The following TMEM38B variants were observed in gnomAD, a reference collection of about 807,000 sequenced individuals.
The protein encoded by TMEM38B is transmembrane protein 38B.
A neutral mutation model predicts 28.7 loss-of-function variants in TMEM38B; 24 were observed. That is an observed-to-expected ratio of 0.84 (90% CI 0.61 to 1.18). TMEM38B has a LOEUF of 1.18. TMEM38B is among the 50% of genes most tolerant of loss of function. TMEM38B has a pLI of 0.00. For synonymous variants in TMEM38B, 131 were observed against 127.7 expected (o/e 1.03, Z -0.17); for missense variants, 380 against 350.9 (o/e 1.08, Z -0.66).
chr9:105,707,452 T>G (rs760311165), intron 2 of TMEM38B, among the ~76,000 whole-genome samples: 4 of 152,196 alleles, frequency 2.6e-5, no homozygotes, highest in Non-Finnish European at 5.9e-5. Flanking sequence ...AACTGTTTTC[T>G]GTTAAGAACC....
At chr9:105,761,836 T>G (rs1838062006) in intron 5 of TMEM38B, among the ~76,000 whole-genome samples, 1 of 152,212 alleles carries the variant, frequency 6.6e-6, no homozygotes, top group African/African-American at 2.4e-5. Flanking sequence ...TTCAGCCAAC[T>G]GTGAGAATCA....
chr9:105,725,587 G>A (rs761021135), intron 4 of TMEM38B, among the ~76,000 whole-genome samples: 2 of 151,926 alleles, frequency 1.3e-5, no homozygotes, highest in Non-Finnish European at 2.9e-5. Context: ...TACACACCTA[G>A]GCTATATGGT....
At chr9:105,705,454 T>A (rs1382451768) in intron 1 of TMEM38B, 143 bp from the exon 2 acceptor site, 1 of 804,956 alleles carries the variant, frequency 1.2e-6, no homozygotes, top group Non-Finnish European at 1.8e-6. Flanking sequence ...TGATTTTTAA[T>A]GATTTTGACT....
At chr9:105,768,762 G>A (rs1349626257) in intron 5 of TMEM38B, among the ~76,000 whole-genome samples, 1 of 152,120 alleles carries the variant, frequency 6.6e-6, no homozygotes, top group East Asian at 1.9e-4. Flanking sequence ...TTTCATTCCT[G>A]ATATTGGTGA....
chr9:105,702,530 G>GT (rs1835495627), intron 1 of TMEM38B, among the ~76,000 whole-genome samples: 1 of 152,146 alleles, frequency 6.6e-6, no homozygotes, highest in African/African-American at 2.4e-5. Context: ...TGTTATAACT[G>GT]TAAGTTCATA....
At chr9:105,725,654 A>G (rs1325730670) in intron 4 of TMEM38B, among the ~76,000 whole-genome samples, 2 of 152,162 alleles carry the variant, frequency 1.3e-5, no homozygotes, top group Non-Finnish European at 2.9e-5. Context: ...AGTGACTACT[A>G]TAGGCAATTT....
chr9:105,733,884 A>G (rs1048326699), intron 4 of TMEM38B, among the ~76,000 whole-genome samples: 2 of 151,440 alleles, frequency 1.3e-5, no homozygotes, highest in African/African-American at 4.9e-5. Context: ...GCATTTGTCA[A>G]TTTCGTTTAG....
intron 2 of TMEM38B, among the ~76,000 whole-genome samples, chr9:105,719,090 A>G (rs1002611376): frequency 6.6e-6 from 1 of 152,208 alleles, no homozygotes; most frequent in Admixed American, 6.5e-5. Context: ...CAGAGTTCTC[A>G]ATGACTAAGC....
At chr9:105,753,782 T>C (rs550108953) in intron 5 of TMEM38B, among the ~76,000 whole-genome samples, 1 of 152,256 alleles carries the variant, frequency 6.6e-6, no homozygotes, top group East Asian at 1.9e-4. Context: ...CCAGCTAGCA[T>C]CATGATGATA....
At chr9:105,733,184 G>C (rs571466362) in intron 4 of TMEM38B, among the ~76,000 whole-genome samples, 1 of 152,142 alleles carries the variant, frequency 6.6e-6, no homozygotes, top group Non-Finnish European at 1.5e-5. Flanking sequence ...TAAGTGCGAT[G>C]TGGTGCTGAG....
chr9:105,759,087 G>A lies in TMEM38B; in HGVS notation c.660+10897G>A, dbSNP rs146317661. 983 of 799,204 alleles carry A rather than the reference G, an allele frequency of 1.2e-3. 16 individuals are homozygous for A. The East Asian group carries it at 0.022, about 18-fold the overall frequency. The allele number at this position is 799,204 out of a possible 1,614,324, so 49.5% of individuals were successfully genotyped here. A position where few individuals can be genotyped will look rare whatever the true frequency, so the allele number is the denominator to read the frequency against. On this transcript the variant is annotated intron_variant, in intron 5 of 5. Coordinates refer to ENST00000374692, the MANE Select transcript of TMEM38B (RefSeq NM_018112.3). ...GGTATTATCTGCCATGAAGTGCCTA[G>A]CAAATTGGCCAAGAAGTGATGATAC...
At chr9:105,713,490 G>T (rs371645566) in intron 2 of TMEM38B, among the ~76,000 whole-genome samples, 14 of 152,322 alleles carry the variant, frequency 9.2e-5, no homozygotes, top group African/African-American at 3.1e-4. Context: ...CAGTGCTGAC[G>T]TGCCAGCCCC....
chr9:105,741,763 C>G (rs1837216436), intron 4 of TMEM38B, among the ~76,000 whole-genome samples: 1 of 152,188 alleles, frequency 6.6e-6, no homozygotes, highest in African/African-American at 2.4e-5. Flanking sequence ...GGAATAAATG[C>G]TACTAACCAA....
rs1031643398 is a variant in TMEM38B at position 105,758,872 on chromosome 9, A to C, written c.660+10682A>C. On this transcript the variant is annotated intron_variant, in intron 5 of 5. Transcript: ENST00000374692. ...GCAGTTGATAATAGAAAACTAAGCC[A>C]GGAAGATGTTGAAGAAATTTGGAGA... 6.9e-6 allele frequency: 7 copies of C among 1,020,870 alleles called. No homozygotes were observed. The Admixed American group carries it at 1.2e-4, about 17-fold the overall frequency. 63.2% of individuals were successfully genotyped at this position (1,020,870 alleles called of 1,614,324 possible).
intron 1 of TMEM38B, 95 bp from the exon 2 acceptor site, chr9:105,705,502 T>C: frequency 8.3e-7 from 1 of 1,204,458 alleles, no homozygotes; most frequent in African/African-American, 1.5e-5. Context: ...AAATTATGAA[T>C]TTAAGAAGTT....
chr9:105,743,722 G>A (rs1837288925), intron 4 of TMEM38B, among the ~76,000 whole-genome samples: 1 of 152,116 alleles, frequency 6.6e-6, no homozygotes, highest in Non-Finnish European at 1.5e-5. Context: ...AGAGCACCCT[G>A]ACATTGGCCA....
intron 2 of TMEM38B, among the ~76,000 whole-genome samples, chr9:105,721,030 A>C (rs1298964147): frequency 6.6e-6 from 1 of 152,140 alleles, no homozygotes; most frequent in Non-Finnish European, 1.5e-5. Flanking sequence ...GTGAGCCGTC[A>C]TGTACCTTTG....
chr9:105,730,325 A>G (rs530094425), intron 4 of TMEM38B, among the ~76,000 whole-genome samples: 204 of 152,266 alleles, frequency 1.3e-3, no homozygotes, highest in African/African-American at 4.6e-3. Flanking sequence ...TTCTGCATCT[A>G]TTGAGATAAT....
rs545202996 is a variant in TMEM38B, at chr9:105,696,476, G to T, written c.112+1704G>T. Among the ~76,000 whole-genome samples, 11 of 152,196 alleles carry T rather than the reference G, an allele frequency of 7.2e-5. No individual in the cohort carries two copies. The East Asian group carries it at 2.1e-3, about 29-fold the overall frequency. ...TTTTTGTATTTTTAGTAGTGGAGAC[G>T]GGGTTTCGCCATGTTGGCCAGGCTT... On this transcript the variant is annotated intron_variant, in intron 1 of 5. Transcript: ENST00000374692.
Sources: gnomAD v4.1 joint callset for allele counts (sites outside exome capture counted in the v4.1 genomes callset) on GRCh38, gnomAD v4.1.1 for gene constraint, MANE v1.5 for transcripts, NCBI Gene and HGNC (gene_info 2026-07-23, HGNC 2026-07-21) for gene names.